Variants in TAFA2 observed in about 807,000 individuals in gnomAD.
TAFA2 encodes the protein TAFA chemokine like family member 2, also known as chemokine-like protein TAFA-2.
Under a neutral mutation model 18.8 loss-of-function variants are expected in TAFA2, and 7 were observed. The ratio of observed to expected loss-of-function variants is 0.37; its 90% CI spans 0.21 to 0.70. TAFA2 has a LOEUF of 0.70. Among genes scored for constraint, TAFA2 ranks in the 30% least tolerant of loss-of-function variants. The pLI is 0.53. For synonymous variants in TAFA2, 60 were observed against 54.2 expected, an observed-to-expected ratio of 1.11 and a Z score of -0.47; for missense variants, 122 against 158.1, an observed-to-expected ratio of 0.77 and a Z score of 1.23.
chr12:61,772,550 G>A (rs921623950), intron 2 of TAFA2, among the ~76,000 whole-genome samples: 12 of 151,826 alleles, frequency 7.9e-5, no homozygotes, highest in Non-Finnish European at 1.3e-4. Context: ...ATGCAGGGAT[G>A]GTTTAACATA....
At chr12:62,235,746 G>T (rs936778412) in intron 1 of TAFA2, among the ~76,000 whole-genome samples, 2 of 151,960 alleles carry the variant, frequency 1.3e-5, no homozygotes, top group Admixed American at 6.6e-5. Flanking sequence ...TTGGAGGAAG[G>T]TTTGCTTGTT....
At chr12:62,103,655 C>T (rs929964272) in intron 1 of TAFA2, among the ~76,000 whole-genome samples, 18 of 151,936 alleles carry the variant, frequency 1.2e-4, no homozygotes, top group African/African-American at 4.1e-4. Flanking sequence ...GCAGGAGAAC[C>T]GCTTGAACCC....
intron 2 of TAFA2, among the ~76,000 whole-genome samples, chr12:61,763,378 C>G (rs1016321482): frequency 1.3e-5 from 2 of 151,960 alleles, no homozygotes; most frequent in African/African-American, 4.8e-5. Flanking sequence ...CAGAGAATGT[C>G]CCCCAGTCTC....
intron 4 of TAFA2, among the ~76,000 whole-genome samples, chr12:61,724,634 A>G (rs893055058): frequency 2.0e-5 from 3 of 151,910 alleles, no homozygotes; most frequent in Non-Finnish European, 4.4e-5. Flanking sequence ...AGAACATACA[A>G]TGTTTGGTTT....
rs1297568086 is a variant in TAFA2 at position 61,906,373 on chromosome 12, AG to A, written c.-1-38948del. Among the ~76,000 whole-genome samples the A allele has an allele frequency of 2.6e-5, 4 of 152,044 alleles. No individual in the cohort carries two copies. In the East Asian group the frequency reaches 7.7e-4, roughly 29 times the overall value. On this transcript the variant is annotated intron_variant, in intron 1 of 4. Coordinates refer to ENST00000416284, the MANE Select transcript of TAFA2 (RefSeq NM_178539.5). ...CTCACGAGATCTGATGGTTTTATAAAGGGCAATTCCTCTGCATATGCTCTCT... is the reference window on the plus strand; with the variant it reads ...CTCACGAGATCTGATGGTTTTATAAAGGCAATTCCTCTGCATATGCTCTCT...
chr12:61,888,710 G>T (rs1470749481), intron 1 of TAFA2, among the ~76,000 whole-genome samples: 1 of 152,146 alleles, frequency 6.6e-6, no homozygotes, highest in Non-Finnish European at 1.5e-5. Flanking sequence ...ACATGTACAG[G>T]TAGGAGGCAA....
intron 1 of TAFA2, among the ~76,000 whole-genome samples, chr12:62,034,298 G>A (rs1881542457): frequency 6.6e-6 from 1 of 152,084 alleles, no homozygotes; most frequent in South Asian, 2.1e-4. Context: ...TGAAGGTCAG[G>A]TACCGCCTGG....
At chr12:62,048,738 A>C (rs1881973619) in intron 1 of TAFA2, among the ~76,000 whole-genome samples, 1 of 152,232 alleles carries the variant, frequency 6.6e-6, no homozygotes, top group Non-Finnish European at 1.5e-5. Context: ...AATTGTTAAT[A>C]GATTAATAAA....
rs555132502 is a variant in TAFA2, at chr12:61,732,886, G to C, written c.384+20736C>G. On this transcript the variant is annotated intron_variant, in intron 4 of 4. Transcript: ENST00000416284. The stretch of plus-strand genomic sequence containing the variant: ...TTTAGCTATATTGAAATATTCCTTA[G>C]TATAGAAAACCAATCTAGAACAAGA... Among the ~76,000 whole-genome samples the C allele has an allele frequency of 1.7e-3, 257 of 152,018 alleles. 1 individual carries two copies. Among genetic ancestry groups the C allele is most frequent in the African/African-American group, 5.4e-3 (222 of 41,444 alleles).
intron 1 of TAFA2, among the ~76,000 whole-genome samples, chr12:61,930,048 T>G (rs541054767): frequency 2.6e-5 from 4 of 151,974 alleles, no homozygotes; most frequent in Non-Finnish European, 5.9e-5. Flanking sequence ...GAGGTCTACC[T>G]AATGCTAAAT....
intron 1 of TAFA2, among the ~76,000 whole-genome samples, chr12:62,066,184 G>A (rs976886979): frequency 1.3e-5 from 2 of 150,086 alleles, no homozygotes; most frequent in Non-Finnish European, 3.0e-5. Context: ...TATATTTATG[G>A]GGTATATGAG....
At chr12:62,095,314 A>T (rs1321684650) in intron 1 of TAFA2, among the ~76,000 whole-genome samples, 2 of 152,100 alleles carry the variant, frequency 1.3e-5, no homozygotes. Flanking sequence ...GTCTTAAGGG[A>T]TAGACAGTCG....
At chr12:61,926,343 A>C (rs1015071085) in intron 1 of TAFA2, among the ~76,000 whole-genome samples, 2 of 152,232 alleles carry the variant, frequency 1.3e-5, no homozygotes, top group African/African-American at 4.8e-5. Context: ...AACTCATTTT[A>C]TGAGGCCAGT....
intron 1 of TAFA2, among the ~76,000 whole-genome samples, chr12:61,967,914 A>T (rs2136661273): frequency 6.6e-6 from 1 of 151,994 alleles, no homozygotes; most frequent in Non-Finnish European, 1.5e-5. Context: ...GCACATAAGC[A>T]GGTCTGCAGT....
At chr12:61,747,447 A>C (rs1173179748) in intron 4 of TAFA2, among the ~76,000 whole-genome samples, 2 of 146,968 alleles carry the variant, frequency 1.4e-5, no homozygotes, top group African/African-American at 5.1e-5. Flanking sequence ...TCACGATAGC[A>C]AAGACTTGGA....
In TAFA2 at chr12:62,256,557, C is replaced by T. The variant is rs190616651; in HGVS notation, c.-130+2206G>A. ...ATCACTTTATTTTATAATAAGAAAACGAATGGTCACAGAGAATAAATAACT... is the reference window on the plus strand; with the variant it reads ...ATCACTTTATTTTATAATAAGAAAATGAATGGTCACAGAGAATAAATAACT... On this transcript the variant is annotated intron_variant, in intron 1 of 5. Transcript: ENST00000551619. Among the ~76,000 whole-genome samples, 224 of 152,190 alleles carry T rather than the reference C, an allele frequency of 1.5e-3. 1 individual carries two copies. The highest frequency in any genetic ancestry group is 5.1e-3 in the African/African-American group (211 of 41,534).
At chr12:61,737,039 G>T (rs1034966244) in intron 4 of TAFA2, among the ~76,000 whole-genome samples, 1 of 151,816 alleles carries the variant, frequency 6.6e-6, no homozygotes, top group Non-Finnish European at 1.5e-5. Context: ...TTGTCAGTTA[G>T]TATTGTAGTC....
intron 1 of TAFA2, among the ~76,000 whole-genome samples, chr12:61,969,939 GTGAAGCTACATAGTCAGAGAAAGGA>G (rs1879190413): frequency 6.6e-6 from 1 of 151,596 alleles, no homozygotes; most frequent in Admixed American, 6.6e-5. Context: ...CAAACGGCAA[GTGAAGCTACATAGTCAGAGAAAGGA>G]TGAGAAAGGA....
chr12:62,077,938 A>AAAAC (rs1316964591), intron 1 of TAFA2, among the ~76,000 whole-genome samples: 1 of 152,212 alleles, frequency 6.6e-6, no homozygotes, highest in East Asian at 1.9e-4. Flanking sequence ...AGGGATCTCA[A>AAAAC]AATCAACATG....
Sources: gnomAD v4.1 joint callset for allele counts (sites outside exome capture counted in the v4.1 genomes callset) on GRCh38, gnomAD v4.1.1 for gene constraint, MANE v1.5 for transcripts, NCBI Gene and HGNC (gene_info 2026-07-23, HGNC 2026-07-21) for gene names.